The following IGDCC3 variants were observed in gnomAD, a reference collection of about 807,000 sequenced individuals.
IGDCC3 encodes the protein immunoglobulin superfamily DCC subclass member 3, also known as putative neuronal cell adhesion molecule.
Under a neutral mutation model 72.0 loss-of-function variants are expected in IGDCC3, and 47 were observed. That is an observed-to-expected ratio of 0.65 (90% CI 0.52 to 0.83). The LOEUF (loss-of-function observed/expected upper bound fraction) is 0.83, where lower values mean the gene tolerates loss of function less well. Ranked by LOEUF, IGDCC3 falls within the 40% of genes least tolerant of loss-of-function variation. IGDCC3 has a pLI of 0.00. For missense variants in IGDCC3, 1,038 were observed against 1,091.3 expected, an observed-to-expected ratio of 0.95 and a Z score of 0.69; for synonymous variants, 477 against 472.8, an observed-to-expected ratio of 1.01 and a Z score of -0.11.
intron 2 of IGDCC3, among the ~76,000 whole-genome samples, chr15:65,372,969 AC>A (rs949506192): frequency 1.3e-5 from 2 of 151,972 alleles, no homozygotes; most frequent in African/African-American, 4.8e-5. Flanking sequence ...TTGGAGGCAA[AC>A]CCCCCAGCTG....
Position 65,377,905 on chromosome 15 carries a change from A to G in IGDCC3, c.-117T>C. On this transcript the variant is annotated 5_prime_UTR_variant, in exon 1 of 14. Coordinates refer to ENST00000327987, the MANE Select transcript of IGDCC3 (RefSeq NM_004884.4). The surrounding 1 kb of genome is among the most constrained non-coding windows in gnomAD (Gnocchi z 4.9). The stretch of plus-strand genomic sequence containing the variant: ...TGGGGCTCCGGCCGGGGCCGAGCCC[A>G]GGCGGTGGGGGACTGGGGCCGCATG... 1.0e-6 allele frequency: 1 copy of G among 960,562 alleles called. No individual in the cohort carries two copies. Among genetic ancestry groups the G allele is most frequent in the Non-Finnish European group, 1.2e-6 (1 of 800,682 alleles). The allele number at this position is 960,562 out of a possible 1,614,324, so 59.5% of individuals were successfully genotyped here.
At chr15:65,364,878 C>G (rs1468580388) in intron 2 of IGDCC3, among the ~76,000 whole-genome samples, 3 of 151,970 alleles carry the variant, frequency 2.0e-5, no homozygotes, top group African/African-American at 7.3e-5. Context: ...GAGACCCTGT[C>G]TCAAAAAAGA....
intron 2 of IGDCC3, among the ~76,000 whole-genome samples, chr15:65,342,005 C>T (rs1268606943): frequency 6.6e-6 from 1 of 151,944 alleles, no homozygotes; most frequent in African/African-American, 2.4e-5. Flanking sequence ...GAACTCCTGG[C>T]CTCAAGTGAT....
chr15:65,374,639 A>C (rs1393343563), intron 2 of IGDCC3, among the ~76,000 whole-genome samples: 1 of 152,214 alleles, frequency 6.6e-6, no homozygotes, highest in Non-Finnish European at 1.5e-5. Flanking sequence ...TAGAGGTCTT[A>C]TCCTACCCAA....
chr15:65,364,792 G>T (rs916638725), intron 2 of IGDCC3, among the ~76,000 whole-genome samples: 1 of 152,156 alleles, frequency 6.6e-6, no homozygotes, highest in Non-Finnish European at 1.5e-5. Context: ...GAGATGGGAA[G>T]ACTGCTTGAG....
chr15:65,335,756 C>A, intron 3 of IGDCC3, 56 bp downstream of exon 3: 1 of 1,602,032 alleles, frequency 6.2e-7, no homozygotes, highest in Non-Finnish European at 8.6e-7. Context: ...TTCTCTACGG[C>A]CAGAGTCACT....
intron 3 of IGDCC3, 127 bp downstream of exon 3, chr15:65,335,685 A>G: frequency 8.9e-7 from 1 of 1,122,822 alleles, no homozygotes; most frequent in Non-Finnish European, 1.3e-6. Flanking sequence ...TGGTTGCAGA[A>G]ACACCACTAT....
Position 65,377,581 on chromosome 15 carries a change from G to A in IGDCC3, c.103+105C>T, listed in dbSNP as rs2091366764. ...CCCCCCGCGCGGGGTCCGCCCTCAG[G>A]TCCGCGCCGCTCTCCCCGGGTCCGC... is the stretch of plus-strand genomic sequence containing the variant. On this transcript the variant is annotated intron_variant, in intron 1 of 13. Transcript: ENST00000327987. This position sits in a 1 kb window ranked among gnomAD's most constrained non-coding sequence, Gnocchi z 4.9. The A allele has an allele frequency of 8.6e-7, 1 of 1,163,076 alleles. No homozygotes were observed. The highest frequency in any genetic ancestry group is 1.1e-6 in the Non-Finnish European group (1 of 915,764). 72.0% of individuals were successfully genotyped at this position (1,163,076 alleles called of 1,614,324 possible).
chr15:65,365,296 C>T (rs578708), intron 2 of IGDCC3, among the ~76,000 whole-genome samples: 48,397 of 151,902 alleles, frequency 0.32, 7,890 homozygotes, highest in East Asian at 0.52. Flanking sequence ...CTCCTCCATT[C>T]AGGTGGTCTG....
At chr15:65,344,409 C>A (rs2033884848) in intron 2 of IGDCC3, among the ~76,000 whole-genome samples, 1 of 152,170 alleles carries the variant, frequency 6.6e-6, no homozygotes, top group African/African-American at 2.4e-5. Context: ...ACCAGCTCAC[C>A]ACTCCCCCGC....
chr15:65,375,353 A>G lies in IGDCC3; in HGVS notation c.153T>C (p.Asp51=), dbSNP rs748485235. ...CTATAGGCTGCCCGGGGACGGCAAC[A>G]TCATCACTTGGCTCCACAGCAAATG... The part of the protein sequence containing the change: ...ELAFAVEPSD[D]VAVPGQPIVL... Residue 51 remains aspartate (D), a synonymous_variant, in exon 2 of 14, where the codon GAT becomes GAC. Transcript: ENST00000327987. 6.2e-7 allele frequency: 1 copy of G among 1,610,370 alleles called. No homozygotes were observed.
At chr15:65,332,445 C>T (rs931382045) in intron 6 of IGDCC3, among the ~76,000 whole-genome samples, 1 of 152,160 alleles carries the variant, frequency 6.6e-6, no homozygotes, top group African/African-American at 2.4e-5. Flanking sequence ...GGTTTGGCTG[C>T]ACCTCCAGAA....
chr15:65,338,767 C>T (rs1298307697), intron 2 of IGDCC3, among the ~76,000 whole-genome samples: 1 of 152,236 alleles, frequency 6.6e-6, no homozygotes, highest in Non-Finnish European at 1.5e-5. Context: ...ATGAGTCGCT[C>T]TTCAGGGCCC....
At chr15:65,344,710 G>A (rs1011897913) in intron 2 of IGDCC3, among the ~76,000 whole-genome samples, 4 of 152,194 alleles carry the variant, frequency 2.6e-5, no homozygotes, top group Admixed American at 6.5e-5. Flanking sequence ...GAATAAAACC[G>A]CTTAAAGCCC....
At chr15:65,343,359 C>G (rs2091098745) in intron 2 of IGDCC3, among the ~76,000 whole-genome samples, 1 of 150,238 alleles carries the variant, frequency 6.7e-6, no homozygotes, top group Admixed American at 6.7e-5. Flanking sequence ...CTCAAGCTGT[C>G]TGGAGAAGGG....
intron 2 of IGDCC3, among the ~76,000 whole-genome samples, chr15:65,367,854 G>A (rs879306804): frequency 6.6e-6 from 1 of 152,056 alleles, no homozygotes; most frequent in Non-Finnish European, 1.5e-5. Context: ...CCAACGCTAG[G>A]CCCCTCGACA....
Position 65,329,043 on chromosome 15 carries a change from C to T in IGDCC3, c.2311G>A (p.Glu771Lys), listed in dbSNP as rs1194097869. The T allele has an allele frequency of 2.5e-6, 4 of 1,612,544 alleles. No homozygotes were observed. Among genetic ancestry groups the T allele is most frequent in the African/African-American group, 2.7e-5 (2 of 74,940 alleles). ...EGKTTEAKTT[E>K]ATAPCAGLAA... ...AGGCCGGCGCAGGGAGCCGTGGCCT[C>T]TGTGGTCTTCGCCTCCGTCGTCTTC... Residue 771 changes from glutamate (E) to lysine (K), a missense_variant, in exon 14 of 14, where the codon GAG (glutamate) becomes AAG (lysine). Physicochemically the swap from Glu to Lys is moderately conservative, Grantham distance 56 (BLOSUM62 1). Coordinates refer to ENST00000327987, the MANE Select transcript of IGDCC3 (RefSeq NM_004884.4). This position sits in a 1 kb window ranked among gnomAD's most constrained non-coding sequence, Gnocchi z 4.1.
In IGDCC3 at chr15:65,330,396, G is replaced by T; in HGVS notation, c.1755C>A (p.Asp585Glu). The T allele has an allele frequency of 1.2e-6, 2 of 1,611,736 alleles. No homozygotes were observed. The highest frequency in any genetic ancestry group is 1.7e-6 in the Non-Finnish European group (2 of 1,178,224). The stretch of plus-strand genomic sequence containing the variant: ...GCTTCACCTCATACACTGCAGTGGG[G>T]TCTGGAGGAAGGCAGGGCGGATGAG... ...TVSSYNLSQLDPTAVYEVKLL... is the reference protein window; with the variant it reads ...TVSSYNLSQLEPTAVYEVKLL... Residue 585 changes from aspartate to glutamate, a missense_variant and splice_region_variant, in exon 11 of 14, where the codon GAC becomes GAA. Physicochemically the swap from Asp to Glu is conservative, Grantham distance 45. Coordinates refer to ENST00000327987, the MANE Select transcript of IGDCC3 (RefSeq NM_004884.4).
chr15:65,331,766 G>A, intron 7 of IGDCC3, 107 bp from the exon 8 acceptor site: 1 of 1,428,988 alleles, frequency 7.0e-7, no homozygotes, highest in Non-Finnish European at 9.4e-7. Context: ...CAAACGACTT[G>A]TGTGAGGTCT....
Sources: allele counts gnomAD v4.1 joint callset (sites outside exome capture counted in the v4.1 genomes callset), GRCh38; gene constraint gnomAD v4.1.1; non-coding constraint Gnocchi (gnomAD v3.1); transcripts MANE v1.5; gene names NCBI Gene and HGNC (gene_info 2026-07-23, HGNC 2026-07-21).